ZSCAN23: variants seen among roughly 807,000 people sequenced by gnomAD.
ZSCAN23 encodes the protein zinc finger and SCAN domain containing 23.
A neutral mutation model predicts 19.3 loss-of-function variants in ZSCAN23; 19 were observed. The observed-to-expected ratio is 0.99, with a 90% CI of 0.69 to 1.45. The LOEUF (loss-of-function observed/expected upper bound fraction) is 1.45. Among genes scored for constraint, ZSCAN23 ranks in the 40% most tolerant of loss-of-function variants. The probability of loss-of-function intolerance (pLI) is 0.00; values close to 1 mark genes in which losing one functional copy is unlikely to be tolerated. For synonymous variants in ZSCAN23, 140 were observed against 166.2 expected (o/e 0.84, Z 1.21); for missense variants, 372 against 462.5 (o/e 0.80, Z 1.79).
At chr6:28,425,517 C>T in the ZSCAN23 span, among the ~76,000 whole-genome samples, 1 of 152,062 alleles carries the variant, frequency 6.6e-6, no homozygotes, top group Non-Finnish European at 1.5e-5. Flanking sequence ...TTTGTAGAGA[C>T]AGGGTTTTTC....
At chr6:28,426,113 G>A in the ZSCAN23 span, among the ~76,000 whole-genome samples, 11 of 152,162 alleles carry the variant, frequency 7.2e-5, no homozygotes, top group African/African-American at 2.4e-4. Flanking sequence ...AACTTTCTCC[G>A]TATCAGCAAT....
At position 28,434,232 on chromosome 6, in the gene ZSCAN23, G is replaced by A. The variant is rs41270585; in HGVS notation, c.*233C>T. The A allele has an allele frequency of 1.1e-5, 5 of 444,922 alleles. No individual in the cohort carries two copies. Among genetic ancestry groups the A allele is most frequent in the Non-Finnish European group, 2.0e-5 (5 of 255,016 alleles). 27.6% of individuals were successfully genotyped at this position (444,922 alleles called of 1,614,324 possible). ...AATAGAAAACTTCTTGCACAGATGT[G>A]TGTGAAACTAGGTCTACAGCATACA... is the stretch of plus-strand genomic sequence containing the variant. On this transcript the variant is annotated 3_prime_UTR_variant, in exon 4 of 4. Coordinates refer to ENST00000289788, the MANE Select transcript of ZSCAN23 (RefSeq NM_001012455.2).
chr6:28,427,800 C>T (rs1240672429), downstream of ZSCAN23, among the ~76,000 whole-genome samples: 1 of 152,170 alleles, frequency 6.6e-6, no homozygotes, highest in Non-Finnish European at 1.5e-5. Flanking sequence ...TAGTATCCAG[C>T]TGGGCACGGT....
intron 1 of ZSCAN23, among the ~76,000 whole-genome samples, chr6:28,442,671 G>C (rs1317094134): frequency 6.6e-6 from 1 of 152,252 alleles, no homozygotes; most frequent in African/African-American, 2.4e-5. Context: ...GAACAGAGTG[G>C]AGTTAGCATA....
At position 28,434,844 on chromosome 6, in the gene ZSCAN23, A is replaced by G; in HGVS notation, c.791T>C (p.Leu264Pro). The change falls in exon 4 of 4, where the codon CTT becomes CCT. Residue 264 changes from leucine (L) to proline (P), a missense_variant. Transcript: ENST00000289788. ...TGTGTGTGTTCTCTGGTGCTCGATAAGGATGGAATTCTGGGTGAAGCTTTT... is the reference window on the plus strand; with the variant it reads ...TGTGTGTGTTCTCTGGTGCTCGATAGGGATGGAATTCTGGGTGAAGCTTTT... ...CGKSFTQNSI[L>P]IEHQRTHTGE... 1 of 1,585,204 alleles carries G rather than the reference A, an allele frequency of 6.3e-7. No individual in the cohort carries two copies. The highest frequency in any genetic ancestry group is 8.6e-7 in the Non-Finnish European group (1 of 1,165,512).
chr6:28,435,288 C>G (rs1761854875), intron 3 of ZSCAN23, among the ~76,000 whole-genome samples, 172 bp downstream of exon 3: 1 of 152,226 alleles, frequency 6.6e-6, no homozygotes, highest in South Asian at 2.1e-4. Flanking sequence ...TTGTCTGCCT[C>G]TCCCACTAGA....
chr6:28,421,954 T>C, the ZSCAN23 span, among the ~76,000 whole-genome samples: 1 of 152,198 alleles, frequency 6.6e-6, no homozygotes. Context: ...TTACTGTTAA[T>C]TGTTTAGGTA....
At chr6:28,440,072 G>C (rs1761972647) in intron 1 of ZSCAN23, among the ~76,000 whole-genome samples, 1 of 152,262 alleles carries the variant, frequency 6.6e-6, no homozygotes, top group Non-Finnish European at 1.5e-5. Context: ...TGGTTGAACA[G>C]ACCTGAAGGA....
chr6:28,432,099 TC>T (rs1373765421), downstream of ZSCAN23: 1 of 152,190 alleles, frequency 6.6e-6, no homozygotes, highest in African/African-American at 2.4e-5. Context: ...ATAATTGGTT[TC>T]CTTTACAAAA....
downstream of ZSCAN23, among the ~76,000 whole-genome samples, chr6:28,432,423 G>A (rs1158801376): frequency 6.6e-6 from 1 of 152,026 alleles, no homozygotes; most frequent in African/African-American, 2.4e-5. Flanking sequence ...CCCGCAATAA[G>A]CCTTAAGTAG....
At chr6:28,428,219 G>T (rs77769285), downstream of ZSCAN23, among the ~76,000 whole-genome samples, 41 of 152,260 alleles carry the variant, frequency 2.7e-4, 1 homozygote, top group East Asian at 7.9e-3. Context: ...TTTCTTTGGA[G>T]CTCCAGGCCC....
the ZSCAN23 span, among the ~76,000 whole-genome samples, chr6:28,424,018 C>T: frequency 1.1e-4 from 16 of 152,196 alleles, no homozygotes; most frequent in Non-Finnish European, 1.0e-4. Flanking sequence ...TTATCAAAAA[C>T]AATAGGTGCA....
chr6:28,436,573 G>A (rs1761893206), intron 1 of ZSCAN23, among the ~76,000 whole-genome samples: 1 of 152,180 alleles, frequency 6.6e-6, no homozygotes, highest in African/African-American at 2.4e-5. Flanking sequence ...CAATCATCCT[G>A]ACCGAAACAG....
At chr6:28,421,585 C>A in the ZSCAN23 span, among the ~76,000 whole-genome samples, 1 of 152,094 alleles carries the variant, frequency 6.6e-6, no homozygotes, top group Admixed American at 6.5e-5. Context: ...TTGCCAAAAT[C>A]ATTAAATTTA....
Position 28,434,407 on chromosome 6 carries a change from G to T in ZSCAN23, c.*58C>A. 6.8e-7 allele frequency: 1 copy of T among 1,463,692 alleles called. No homozygotes were observed. The highest frequency in any genetic ancestry group is 9.1e-7 in the Non-Finnish European group (1 of 1,103,664). The allele number at this position is 1,463,692 out of a possible 1,614,324, so 90.7% of individuals were successfully genotyped here. ...CTGGCTTTCCCTTGAACTTTTCTATGCTAGAGGACACAGCAGGGACAAAGT... is the reference window on the plus strand; with the variant it reads ...CTGGCTTTCCCTTGAACTTTTCTATTCTAGAGGACACAGCAGGGACAAAGT... On this transcript the variant is annotated 3_prime_UTR_variant, in exon 4 of 4. Coordinates refer to ENST00000289788, the MANE Select transcript of ZSCAN23 (RefSeq NM_001012455.2).
chr6:28,441,473 C>A lies in ZSCAN23; in HGVS notation c.-78+1926G>T, dbSNP rs183872665. Among the ~76,000 whole-genome samples, 7 of 152,258 alleles carry A rather than the reference C, an allele frequency of 4.6e-5. No homozygotes were observed. The East Asian group carries it at 1.2e-3, about 25-fold the overall frequency. On this transcript the variant is annotated intron_variant, in intron 1 of 3. Transcript: ENST00000289788. Reference sequence around the variant, plus strand: ...GCCTTCTTCCCTTATTCGAACCTTACCCAATCTCTGCAGCTTGATTCAAAT... The same window carrying A: ...GCCTTCTTCCCTTATTCGAACCTTAACCAATCTCTGCAGCTTGATTCAAAT...
chr6:28,431,066 T>C (rs1237476270), downstream of ZSCAN23, among the ~76,000 whole-genome samples: 2 of 152,004 alleles, frequency 1.3e-5, no homozygotes, highest in Admixed American at 1.3e-4. Flanking sequence ...AGGTAACTAG[T>C]TATGTTAACA....
rs1208674140 is a variant in ZSCAN23, at chr6:28,433,135, A to G, written c.*1330T>C. 1 of 152,116 alleles carries G rather than the reference A, an allele frequency of 6.6e-6. No individual in the cohort carries two copies. The highest frequency in any genetic ancestry group is 1.5e-5 in the Non-Finnish European group (1 of 67,984). The allele number at this position is 152,116 out of a possible 1,614,324, so 9.4% of individuals were successfully genotyped here. On this transcript the variant is annotated 3_prime_UTR_variant, in exon 4 of 4. Transcript: ENST00000289788. ...GACTCCACTGTAAATTAAATAGAGG[A>G]GTTGTGCTTTATTGAAACATATAAA...
chr6:28,432,603 C>G (rs1761781275), downstream of ZSCAN23: 2 of 152,004 alleles, frequency 1.3e-5, no homozygotes, highest in African/African-American at 2.4e-5. Flanking sequence ...AGCTTTTGAA[C>G]AGAAGGAATT....
Sources: gnomAD v4.1 joint callset for allele counts (sites outside exome capture counted in the v4.1 genomes callset) on GRCh38, gnomAD v4.1.1 for gene constraint, MANE v1.5 for transcripts, NCBI Gene and HGNC (gene_info 2026-07-23, HGNC 2026-07-21) for gene names.